Variants in NR3C2 observed in about 807,000 individuals in gnomAD.
NR3C2 encodes the protein nuclear receptor subfamily 3 group C member 2.
In NR3C2, 15 loss-of-function variants were observed where a neutral mutation model predicts 86.4. That is an observed-to-expected ratio of 0.17 (90% CI 0.12 to 0.27). The LOEUF is 0.27. NR3C2 is among the 10% of genes least tolerant of loss of function. The probability of loss-of-function intolerance (pLI) is 1.00; values close to 1 mark genes in which losing one functional copy is unlikely to be tolerated. For missense variants in NR3C2, 960 were observed against 1,195.6 expected (o/e 0.80, Z 2.91); for synonymous variants, 458 against 450.5 (o/e 1.02, Z -0.21).
intron 2 of NR3C2, among the ~76,000 whole-genome samples, chr4:148,386,433 A>G (rs1181067632): frequency 6.6e-6 from 1 of 152,238 alleles, no homozygotes; most frequent in Non-Finnish European, 1.5e-5. Context: ...AATGGCCACA[A>G]ACACTATGAT....
chr4:148,083,366 T>C (rs986883472), intron 8 of NR3C2, among the ~76,000 whole-genome samples: 3 of 152,168 alleles, frequency 2.0e-5, no homozygotes, highest in African/African-American at 7.2e-5. Context: ...TCTTTGCTGT[T>C]CTGCAGCCTC....
chr4:148,308,999 T>A (rs1046857290), intron 2 of NR3C2, among the ~76,000 whole-genome samples: 1 of 151,938 alleles, frequency 6.6e-6, no homozygotes, highest in Non-Finnish European at 1.5e-5. Flanking sequence ...TATGTATATA[T>A]TATATAGTTT....
chr4:148,221,649 T>G (rs1737851669), intron 3 of NR3C2, among the ~76,000 whole-genome samples: 1 of 152,102 alleles, frequency 6.6e-6, no homozygotes, highest in Non-Finnish European at 1.5e-5. Flanking sequence ...TCCCAGTACT[T>G]TGGGAGGCCG....
intron 3 of NR3C2, chr4:148,208,255 A>C (rs1284791166): frequency 1.3e-5 from 2 of 152,260 alleles, no homozygotes; most frequent in Non-Finnish European, 2.9e-5. Context: ...TAGCCACACC[A>C]AGCTCTAGTA....
At chr4:148,200,030 T>C (rs1050524314) in intron 3 of NR3C2, among the ~76,000 whole-genome samples, 1 of 152,168 alleles carries the variant, frequency 6.6e-6, no homozygotes, top group African/African-American at 2.4e-5. Flanking sequence ...GTTCATACAA[T>C]GAAACATGGA....
At chr4:148,209,257 A>AG (rs1169622536) in intron 3 of NR3C2, among the ~76,000 whole-genome samples, 1 of 152,034 alleles carries the variant, frequency 6.6e-6, no homozygotes, top group African/African-American at 2.4e-5. Context: ...AAAAAAAAAA[A>AG]AAAAGAAAAA....
At chr4:148,331,026 T>C (rs1744206070) in intron 2 of NR3C2, among the ~76,000 whole-genome samples, 2 of 152,170 alleles carry the variant, frequency 1.3e-5, no homozygotes, top group Admixed American at 1.3e-4. Flanking sequence ...ATAAACCAAT[T>C]AAACCTCCTT....
intron 2 of NR3C2, among the ~76,000 whole-genome samples, chr4:148,270,738 A>C (rs1285420143): frequency 6.6e-6 from 1 of 152,188 alleles, no homozygotes; most frequent in Non-Finnish European, 1.5e-5. Context: ...TAGTCAGTAG[A>C]TTTGGATGAC....
chr4:148,430,250 T>C (rs962279108), intron 2 of NR3C2, among the ~76,000 whole-genome samples: 1 of 152,286 alleles, frequency 6.6e-6, no homozygotes, highest in Non-Finnish European at 1.5e-5. Context: ...ACTGAAACCA[T>C]GGCTTTTATC....
intron 2 of NR3C2, among the ~76,000 whole-genome samples, chr4:148,359,961 T>C (rs1021681183): frequency 2.0e-5 from 3 of 152,080 alleles, no homozygotes; most frequent in Non-Finnish European, 4.4e-5. Flanking sequence ...AATTGGTGCA[T>C]AGTGGTGGAG....
At chr4:148,167,823 A>G (rs1399201080) in intron 4 of NR3C2, among the ~76,000 whole-genome samples, 2 of 152,236 alleles carry the variant, frequency 1.3e-5, no homozygotes, top group South Asian at 2.1e-4. Flanking sequence ...CCAAACCCCA[A>G]TGAACTAGGC....
chr4:148,400,852 A>G (rs1170236092), intron 2 of NR3C2, among the ~76,000 whole-genome samples: 1 of 152,014 alleles, frequency 6.6e-6, no homozygotes, highest in African/African-American at 2.4e-5. Context: ...TGCTTTAGCA[A>G]TTAACACAGA....
intron 2 of NR3C2, among the ~76,000 whole-genome samples, chr4:148,360,490 AAAAC>A (rs1745784796): frequency 6.6e-6 from 1 of 152,216 alleles, no homozygotes; most frequent in Non-Finnish European, 1.5e-5. Context: ...GCTTATAGGC[AAAAC>A]AAACAACTCA....
intron 2 of NR3C2, among the ~76,000 whole-genome samples, chr4:148,334,373 T>A (rs962387382): frequency 2.6e-5 from 4 of 152,138 alleles, no homozygotes; most frequent in Non-Finnish European, 4.4e-5. Context: ...CAAAACCCCA[T>A]CTCTTCTAAA....
chr4:148,436,946 G>A, intron 1 of NR3C2, 84 bp from the exon 2 acceptor site: 1 of 1,099,420 alleles, frequency 9.1e-7, no homozygotes, highest in Non-Finnish European at 1.3e-6. Context: ...CATTTGCTAA[G>A]CCACAAAACA....
intron 2 of NR3C2, among the ~76,000 whole-genome samples, chr4:148,318,692 T>A (rs1294599127): frequency 6.6e-6 from 1 of 152,084 alleles, no homozygotes; most frequent in East Asian, 1.9e-4. Flanking sequence ...AAGTGTCTGT[T>A]CATGTCCTTC....
At chr4:148,134,444 G>T (rs796169204) in intron 6 of NR3C2, among the ~76,000 whole-genome samples, 3 of 152,000 alleles carry the variant, frequency 2.0e-5, no homozygotes, top group African/African-American at 7.2e-5. Flanking sequence ...ATAGATGAGG[G>T]GTAAAAGTGA....
At chr4:148,182,624 C>G (rs948273559) in intron 4 of NR3C2, among the ~76,000 whole-genome samples, 2 of 152,172 alleles carry the variant, frequency 1.3e-5, no homozygotes, top group Non-Finnish European at 2.9e-5. Context: ...GTATCACATA[C>G]CGTGCCAAAC....
chr4:148,174,305 T>C lies in NR3C2; in HGVS notation c.2015-19404A>G, dbSNP rs992550368. Among the ~76,000 whole-genome samples, 5 of 152,270 alleles carry C rather than the reference T, an allele frequency of 3.3e-5. No homozygotes were observed. The South Asian group carries it at 1.0e-3, about 32-fold the overall frequency. On this transcript the variant is annotated intron_variant, in intron 4 of 8. Transcript: ENST00000358102. ...TCTTATATAATACTCAGAAGTCAGA[T>C]GAGGACTTTTCTTCACCCATAAAAC... is the stretch of plus-strand genomic sequence containing the variant.
Sources: allele counts gnomAD v4.1 joint callset (sites outside exome capture counted in the v4.1 genomes callset), GRCh38; gene constraint gnomAD v4.1.1; transcripts MANE v1.5; gene names NCBI Gene and HGNC (gene_info 2026-07-23, HGNC 2026-07-21).